The following SIK3 variants were observed in gnomAD, a reference collection of about 807,000 sequenced individuals.
SIK3 encodes SIK family kinase 3.
Under a neutral mutation model 144.2 loss-of-function variants are expected in SIK3, and 28 were observed. The observed-to-expected ratio is 0.19, with a 90% confidence interval of 0.14 to 0.27. The LOEUF (loss-of-function observed/expected upper bound fraction) is 0.27. Among genes scored for constraint, SIK3 ranks in the 10% least tolerant of loss-of-function variants. The pLI, the probability that SIK3 is intolerant of heterozygous loss-of-function variation, is 1.00. For synonymous variants in SIK3, 686 were observed against 676.3 expected (o/e 1.01, Z -0.22); for missense variants, 1,319 against 1,776.0 (o/e 0.74, Z 4.62).
At chr11:116,922,898 T>C (rs1947065860) in intron 4 of SIK3, among the ~76,000 whole-genome samples, 1 of 147,208 alleles carries the variant, frequency 6.8e-6, no homozygotes, top group Non-Finnish European at 1.5e-5. Context: ...ATTTCTCCTT[T>C]TCTTTTCTCT....
chr11:117,002,322 A>G (rs1950882861), intron 1 of SIK3, among the ~76,000 whole-genome samples: 1 of 151,672 alleles, frequency 6.6e-6, no homozygotes, highest in Admixed American at 6.6e-5. Flanking sequence ...CTCATCAGCT[A>G]TTGTTAGTGT....
chr11:116,949,138 CCA>C (rs769307934), intron 3 of SIK3, among the ~76,000 whole-genome samples: 4 of 152,014 alleles, frequency 2.6e-5, no homozygotes, highest in Non-Finnish European at 5.9e-5. Flanking sequence ...TGTAAAATGC[CCA>C]CAGTTAGAAA....
intron 1 of SIK3, among the ~76,000 whole-genome samples, chr11:117,074,070 ACT>A (rs1487113482): frequency 3.3e-5 from 5 of 151,982 alleles, no homozygotes; most frequent in Admixed American, 3.3e-4. Context: ...ATGCTGTTTC[ACT>A]CTCAGTCTAT....
At chr11:116,911,384 G>C (rs1356711914) in intron 4 of SIK3, among the ~76,000 whole-genome samples, 2 of 152,082 alleles carry the variant, frequency 1.3e-5, no homozygotes, top group African/African-American at 4.8e-5. Context: ...GCACATGCCT[G>C]TAGTCCCAGC....
chr11:117,039,348 T>TA (rs2135846044), intron 1 of SIK3, among the ~76,000 whole-genome samples: 1 of 152,316 alleles, frequency 6.6e-6, no homozygotes, highest in South Asian at 2.1e-4. Flanking sequence ...TGAACTCACT[T>TA]AAGTGATCCT....
chr11:116,847,936 G>A (rs948562129), intron 22 of SIK3, among the ~76,000 whole-genome samples: 11 of 152,154 alleles, frequency 7.2e-5, no homozygotes, highest in South Asian at 2.1e-4. Flanking sequence ...GGACAGCACC[G>A]TCCAGTCACA....
chr11:116,868,391 G>T (rs1168200598), intron 14 of SIK3, among the ~76,000 whole-genome samples: 1 of 152,236 alleles, frequency 6.6e-6, no homozygotes, highest in East Asian at 1.9e-4. Flanking sequence ...CTCGGTAGAA[G>T]AATTTATTTT....
chr11:116,954,878 A>C (rs1461692141), intron 2 of SIK3, among the ~76,000 whole-genome samples: 1 of 152,196 alleles, frequency 6.6e-6, no homozygotes, highest in African/African-American at 2.4e-5. Flanking sequence ...TGCTTATTGT[A>C]TATCTTTCTA....
chr11:116,968,088 A>G (rs1365938700), intron 1 of SIK3, among the ~76,000 whole-genome samples: 3 of 152,216 alleles, frequency 2.0e-5, no homozygotes, highest in African/African-American at 7.2e-5. Flanking sequence ...AGTAACTTAA[A>G]TCAATCCCTG....
chr11:116,901,479 A>G (rs1268928256), intron 4 of SIK3, among the ~76,000 whole-genome samples: 1 of 152,188 alleles, frequency 6.6e-6, no homozygotes, highest in Non-Finnish European at 1.5e-5. Context: ...CAGGACCACA[A>G]ATAGAATCAT....
intron 1 of SIK3, among the ~76,000 whole-genome samples, chr11:117,012,073 A>G (rs1431142194): frequency 1.4e-5 from 2 of 140,006 alleles, no homozygotes; most frequent in African/African-American, 4.9e-5. Flanking sequence ...TCATCTCCCA[A>G]GCTCAAGTGA....
At chr11:116,931,123 GC>G (rs1173250228) in intron 3 of SIK3, among the ~76,000 whole-genome samples, 1 of 152,098 alleles carries the variant, frequency 6.6e-6, no homozygotes, top group Non-Finnish European at 1.5e-5. Flanking sequence ...TTTTTGGTCT[GC>G]CCTTCCTTGC....
chr11:116,863,233 G>C (rs949553417), intron 16 of SIK3, among the ~76,000 whole-genome samples: 7 of 152,174 alleles, frequency 4.6e-5, no homozygotes, highest in Admixed American at 3.3e-4. Flanking sequence ...ACAAAGTAAA[G>C]AAAGTGCATT....
At chr11:117,028,571 T>C (rs1952123522) in intron 1 of SIK3, among the ~76,000 whole-genome samples, 1 of 151,944 alleles carries the variant, frequency 6.6e-6, no homozygotes, top group South Asian at 2.1e-4. Flanking sequence ...GAGGTTATGA[T>C]GTTACCTGAA....
chr11:116,870,194 G>A, intron 14 of SIK3, 137 bp downstream of exon 14: 2 of 1,544,990 alleles, frequency 1.3e-6, no homozygotes, highest in Non-Finnish European at 1.7e-6. Flanking sequence ...GGTGGAACAT[G>A]CCATCTGGCT....
intron 1 of SIK3, among the ~76,000 whole-genome samples, chr11:117,007,366 A>C (rs1463848368): frequency 6.6e-6 from 1 of 152,362 alleles, no homozygotes; most frequent in South Asian, 2.1e-4. Flanking sequence ...TGAGAGAGCA[A>C]GACTCTGTCT....
At chr11:117,021,384 A>C (rs1292310743) in intron 1 of SIK3, among the ~76,000 whole-genome samples, 1 of 152,184 alleles carries the variant, frequency 6.6e-6, no homozygotes, top group Non-Finnish European at 1.5e-5. Flanking sequence ...TGCCTTGGTC[A>C]GAGCACATTG....
At chr11:117,025,091 A>G (rs1267263832) in intron 1 of SIK3, among the ~76,000 whole-genome samples, 1 of 152,156 alleles carries the variant, frequency 6.6e-6, no homozygotes, top group Non-Finnish European at 1.5e-5. Flanking sequence ...TAGTTTCTCA[A>G]CTGTCAATGA....
intron 1 of SIK3, among the ~76,000 whole-genome samples, chr11:116,966,268 T>C (rs1949544907): frequency 1.3e-5 from 2 of 152,136 alleles, no homozygotes; most frequent in South Asian, 2.1e-4. Flanking sequence ...TGATGGCATA[T>C]GCCTGTAGTC....
Sources: gnomAD v4.1 joint callset for allele counts (sites outside exome capture counted in the v4.1 genomes callset) on GRCh38, gnomAD v4.1.1 for gene constraint, MANE v1.5 for transcripts, NCBI Gene and HGNC (gene_info 2026-07-23, HGNC 2026-07-21) for gene names.